The following TXLNG variants were observed in gnomAD, a reference collection of about 807,000 sequenced individuals.
TXLNG encodes the protein taxilin gamma, also known as gamma-taxilin.
In TXLNG, 5 loss-of-function variants were observed where a neutral mutation model predicts 38.8. That is an observed-to-expected ratio of 0.13 (90% confidence interval 0.07 to 0.27). TXLNG has a LOEUF of 0.27. Among genes scored for constraint, TXLNG ranks in the 10% least tolerant of loss-of-function variants. The probability of loss-of-function intolerance (pLI) is 1.00; values close to 1 mark genes in which losing one functional copy is unlikely to be tolerated. For missense variants in TXLNG, 393 were observed against 398.2 expected, an observed-to-expected ratio of 0.99 and a Z score of 0.11; for synonymous variants, 182 against 158.2, an observed-to-expected ratio of 1.15 and a Z score of -1.13.
At position 16,827,208 on chromosome X, in the gene TXLNG, A is replaced by T. The variant is rs138263759; in HGVS notation, c.499-886A>T. 7.3e-3 allele frequency among the ~76,000 whole-genome samples: 811 copies of T among 111,561 alleles called. 11 individuals carry two copies. The highest frequency in any genetic ancestry group is 0.025 in the African/African-American group (758 of 30,694). On this transcript the variant is annotated intron_variant, in intron 3 of 9. Coordinates refer to ENST00000380122, the MANE Select transcript of TXLNG (RefSeq NM_018360.3). The stretch of plus-strand genomic sequence containing the variant: ...TGTGCAACAGAATAATAGTCCATCT[A>T]AAAAAATGATAATGAAAATAAAAAA...
At position 16,818,681 on chromosome X, in the gene TXLNG, T is replaced by C; in HGVS notation, c.210T>C (p.Asn70=). Residue 70 remains asparagine, a synonymous_variant, in exon 2 of 10, where the codon AAT becomes AAC. Transcript: ENST00000380122. ...SNDILQHQGS[N]CGGTSNKHSL... Reference sequence around the variant, plus strand: ...ATATTCTTCAACATCAAGGCTCAAATTGTGGTGGCACAAGTAACAAGCATT... The same window carrying C: ...ATATTCTTCAACATCAAGGCTCAAACTGTGGTGGCACAAGTAACAAGCATT... 8.3e-7 allele frequency: 1 copy of C among 1,211,898 alleles called. No homozygotes were observed. Among genetic ancestry groups the C allele is most frequent in the Non-Finnish European group, 1.1e-6 (1 of 895,586 alleles).
intron 3 of TXLNG, among the ~76,000 whole-genome samples, chrX:16,826,292 A>G (rs1929163132): frequency 8.9e-6 from 1 of 112,133 alleles, no homozygotes; most frequent in Admixed American, 9.5e-5. Context: ...TTTTCCTGCA[A>G]GAATTTCAGT....
chrX:16,797,872 C>T (rs1927946512), intron 1 of TXLNG, among the ~76,000 whole-genome samples: 1 of 112,365 alleles, frequency 8.9e-6, no homozygotes, highest in Admixed American at 9.5e-5. Context: ...GCTGATTTTC[C>T]AAAATGTTAC....
At chrX:16,815,077 C>A (rs909617726) in intron 1 of TXLNG, among the ~76,000 whole-genome samples, 26 of 111,882 alleles carry the variant, frequency 2.3e-4, no homozygotes, top group African/African-American at 8.4e-4. Flanking sequence ...TTTGATACGG[C>A]TTGACACCAT....
rs897891731 is a variant in TXLNG at position 16,842,820 on chromosome X, T to C, written c.*1054T>C. On this transcript the variant is annotated 3_prime_UTR_variant, in exon 10 of 10. Coordinates refer to ENST00000380122, the MANE Select transcript of TXLNG (RefSeq NM_018360.3). ...AACACTGGCACCAACATTTTTACTTTGGGAAGACTTGGCAGAGTGTTAGTC... is the reference window on the plus strand; with the variant it reads ...AACACTGGCACCAACATTTTTACTTCGGGAAGACTTGGCAGAGTGTTAGTC... 2 of 112,160 alleles carry C rather than the reference T, an allele frequency of 1.8e-5. No individual in the cohort carries two copies. Among genetic ancestry groups the C allele is most frequent in the African/African-American group, 6.5e-5 (2 of 30,800 alleles). The allele number at this position is 112,160 out of a possible 1,213,427, so 9.2% of individuals were successfully genotyped here.
intron 1 of TXLNG, among the ~76,000 whole-genome samples, chrX:16,799,511 G>T (rs1928006445): frequency 9.0e-6 from 1 of 111,222 alleles, no homozygotes; most frequent in Non-Finnish European, 1.9e-5. Context: ...GGTGGCTCAT[G>T]CCTGTAATCC....
chrX:16,815,534 T>G (rs1928706016), intron 1 of TXLNG, among the ~76,000 whole-genome samples: 1 of 102,035 alleles, frequency 9.8e-6, no homozygotes, highest in Non-Finnish European at 2.0e-5. Flanking sequence ...TATTATTATT[T>G]TTTTTGAGAC....
chrX:16,801,950 C>CTTTTTT (rs56071399), intron 1 of TXLNG, among the ~76,000 whole-genome samples: 2 of 45,250 alleles, frequency 4.4e-5, no homozygotes, highest in African/African-American at 8.4e-5. Context: ...TTCTTTCTTT[C>CTTTTTT]TTTTTTTTTT....
chrX:16,813,909 A>G (rs1261140312), intron 1 of TXLNG, among the ~76,000 whole-genome samples: 2 of 110,599 alleles, frequency 1.8e-5, no homozygotes, highest in African/African-American at 6.6e-5. Context: ...ACACGGTGAA[A>G]CCCCGTCTCT....
chrX:16,820,802 C>A (rs1457557558), intron 3 of TXLNG, among the ~76,000 whole-genome samples: 1 of 112,322 alleles, frequency 8.9e-6, no homozygotes, highest in Middle Eastern at 4.6e-3. Flanking sequence ...CGGAGTCTCG[C>A]CTGTGGTCCA....
At chrX:16,801,134 C>T (rs1013895371) in intron 1 of TXLNG, among the ~76,000 whole-genome samples, 5 of 112,597 alleles carry the variant, frequency 4.4e-5, no homozygotes, top group Middle Eastern at 4.7e-3. Context: ...GCCAACAGAA[C>T]CGTGAGCCAG....
At position 16,834,168 on chromosome X, in the gene TXLNG, T is replaced by A. The variant is rs73452443; in HGVS notation, c.985-115T>A. 0.01 allele frequency: 5,591 copies of A among 557,314 alleles called. 235 individuals carry two copies. In the African/African-American group the frequency reaches 0.11, roughly 11 times the overall value. The allele number at this position is 557,314 out of a possible 1,213,427, so 45.9% of individuals were successfully genotyped here. On this transcript the variant is annotated intron_variant, in intron 6 of 9. Coordinates refer to ENST00000380122, the MANE Select transcript of TXLNG (RefSeq NM_018360.3). Reference sequence around the variant, plus strand: ...AATTTGTGGAACAGACTGTTTCATCTGTAGACCTGTGGTTCTTGCTAAAAT... The same window carrying A: ...AATTTGTGGAACAGACTGTTTCATCAGTAGACCTGTGGTTCTTGCTAAAAT...
intron 1 of TXLNG, among the ~76,000 whole-genome samples, chrX:16,798,583 GT>G (rs370617916): frequency 0.013 from 1,357 of 100,531 alleles, 17 homozygotes; most frequent in Middle Eastern, 0.03. Flanking sequence ...GACAGCAAAA[GT>G]TTTTTTTTTT....
chrX:16,787,208 G>T (rs1927524601), intron 1 of TXLNG, among the ~76,000 whole-genome samples: 2 of 111,927 alleles, frequency 1.8e-5, no homozygotes, highest in Non-Finnish European at 3.8e-5. Flanking sequence ...GCCGGTGCGA[G>T]CGGGACGCTC....
intron 1 of TXLNG, among the ~76,000 whole-genome samples, chrX:16,795,069 A>C (rs770953496): frequency 2.5e-4 from 28 of 110,508 alleles, no homozygotes; most frequent in African/African-American, 8.2e-4. Flanking sequence ...CGAGGTCAGG[A>C]GATCGAGACC....
intron 1 of TXLNG, among the ~76,000 whole-genome samples, chrX:16,794,480 C>T (rs1162898292): frequency 9.0e-6 from 1 of 111,506 alleles, no homozygotes; most frequent in African/African-American, 3.3e-5. Flanking sequence ...GCAACAGTAC[C>T]TCCAAGTGTA....
chrX:16,843,791 G>GTAT lies in TXLNG; in HGVS notation c.*2027_*2029dup, dbSNP rs1330625654. On this transcript the variant is annotated 3_prime_UTR_variant, in exon 10 of 10. Coordinates refer to ENST00000380122, the MANE Select transcript of TXLNG (RefSeq NM_018360.3). ...TGGCCTGCTGCTTTTGGCTTACTTT[G>GTAT]TATTTTTAGCTAGATGCTATTATAG... is the stretch of plus-strand genomic sequence containing the variant. The GTAT allele has an allele frequency of 1.8e-5, 2 of 111,770 alleles. No homozygotes were observed. The highest frequency in any genetic ancestry group is 3.8e-5 in the Non-Finnish European group (2 of 53,187). 9.2% of individuals were successfully genotyped at this position (111,770 alleles called of 1,213,427 possible). A position where few individuals can be genotyped will look rare whatever the true frequency, so the allele number is the denominator to read the frequency against.
chrX:16,787,531 C>T (rs1927540379), intron 1 of TXLNG, among the ~76,000 whole-genome samples: 1 of 111,330 alleles, frequency 9.0e-6, no homozygotes, highest in African/African-American at 3.3e-5. Flanking sequence ...TTTTCAGTCC[C>T]TCCCTAGATA....
At chrX:16,797,355 C>T (rs1927927824) in intron 1 of TXLNG, among the ~76,000 whole-genome samples, 1 of 111,487 alleles carries the variant, frequency 9.0e-6, no homozygotes, top group African/African-American at 3.3e-5. Context: ...CCAAAACTTA[C>T]TGACTTGGAA....
Sources: gnomAD v4.1 joint callset for allele counts (sites outside exome capture counted in the v4.1 genomes callset) on GRCh38, gnomAD v4.1.1 for gene constraint, MANE v1.5 for transcripts, NCBI Gene and HGNC (gene_info 2026-07-23, HGNC 2026-07-21) for gene names.